THSD7B: variants seen among roughly 807,000 people sequenced by gnomAD.
The protein encoded by THSD7B is thrombospondin type 1 domain containing 7B, also known as thrombospondin type-1 domain-containing protein 7B.
THSD7B carries 138 observed loss-of-function variants against 213.6 expected under a neutral mutation model. The observed-to-expected ratio is 0.65, with a 90% confidence interval of 0.56 to 0.74. The LOEUF (loss-of-function observed/expected upper bound fraction) is 0.74, where lower values mean the gene tolerates loss of function less well. Among genes scored for constraint, THSD7B ranks in the 30% least tolerant of loss-of-function variants. The pLI, the probability that THSD7B is intolerant of heterozygous loss-of-function variation, is 0.00. For synonymous variants in THSD7B, 742 were observed against 687.0 expected, an observed-to-expected ratio of 1.08 and a Z score of -1.25; for missense variants, 1,931 against 1,991.5, an observed-to-expected ratio of 0.97 and a Z score of 0.58.
intron 10 of THSD7B, among the ~76,000 whole-genome samples, chr2:137,245,920 A>G (rs1390400661): frequency 6.6e-6 from 1 of 152,192 alleles, no homozygotes; most frequent in East Asian, 1.9e-4. Context: ...ATTCTAATTC[A>G]ATAGACCGAA....
chr2:137,551,830 T>C (rs1303985044), intron 15 of THSD7B, among the ~76,000 whole-genome samples: 1 of 152,064 alleles, frequency 6.6e-6, no homozygotes, highest in African/African-American at 2.4e-5. Flanking sequence ...TGAAAATGCC[T>C]GCAAACCGGA....
At chr2:136,823,872 A>C (rs16836818) in intron 1 of THSD7B, among the ~76,000 whole-genome samples, 22,142 of 152,182 alleles carry the variant, frequency 0.15, 1,753 homozygotes, top group Middle Eastern at 0.3. Flanking sequence ...GAAATTGACC[A>C]AGGTGTAGCA....
Position 137,676,563 on chromosome 2 carries a change from G to A in THSD7B, c.4779G>A (p.Gln1593=). 1 of 1,597,610 alleles carries A rather than the reference G, an allele frequency of 6.3e-7. No homozygotes were observed. Among genetic ancestry groups the A allele is most frequent in the Non-Finnish European group, 8.5e-7 (1 of 1,172,920 alleles). ...CACATCAAAGCACACCTCCCCAACA[G>A]AAGCCTCTGACCTTAGCCTACGATG... ...PKPHQSTPPQ[Q]KPLTLAYDGD... The change falls in exon 28 of 28, where the codon CAG becomes CAA. Residue 1593 remains glutamine (Q), a synonymous_variant. Transcript: ENST00000409968.
chr2:137,489,647 T>G (rs1321395026), intron 15 of THSD7B, among the ~76,000 whole-genome samples: 1 of 152,204 alleles, frequency 6.6e-6, no homozygotes, highest in East Asian at 1.9e-4. Context: ...ACTCTGTAGA[T>G]GATGTGACCC....
chr2:137,212,993 A>G (rs1480714209), intron 7 of THSD7B, among the ~76,000 whole-genome samples: 1 of 149,128 alleles, frequency 6.7e-6, no homozygotes, highest in African/African-American at 2.5e-5. Context: ...GCCACAACAA[A>G]AATTGTTCTA....
At chr2:137,243,454 C>T (rs994575671) in intron 10 of THSD7B, among the ~76,000 whole-genome samples, 1 of 152,140 alleles carries the variant, frequency 6.6e-6, no homozygotes, top group African/African-American at 2.4e-5. Flanking sequence ...TCCACTGGTC[C>T]CTGGGCTTCT....
At chr2:136,771,605 A>G (rs1681506662) in intron 1 of THSD7B, among the ~76,000 whole-genome samples, 1 of 152,124 alleles carries the variant, frequency 6.6e-6, no homozygotes, top group Non-Finnish European at 1.5e-5. Flanking sequence ...TCTATTAGTC[A>G]AAATCCAGTT....
At chr2:136,855,907 C>T (rs983854713) in intron 1 of THSD7B, among the ~76,000 whole-genome samples, 1 of 152,008 alleles carries the variant, frequency 6.6e-6, no homozygotes, top group African/African-American at 2.4e-5. Flanking sequence ...CCTGGATTAC[C>T]CCCCTCCTTT....
intron 2 of THSD7B, among the ~76,000 whole-genome samples, chr2:136,911,208 G>T (rs1271185438): frequency 6.6e-6 from 1 of 152,094 alleles, no homozygotes; most frequent in Non-Finnish European, 1.5e-5. Context: ...TTCATGTTTT[G>T]CTCTTAGAAA....
At chr2:137,444,000 A>G (rs1324302469) in intron 14 of THSD7B, among the ~76,000 whole-genome samples, 3 of 152,058 alleles carry the variant, frequency 2.0e-5, no homozygotes, top group Non-Finnish European at 4.4e-5. Flanking sequence ...AATATTTAAC[A>G]TTATTTTGTC....
intron 15 of THSD7B, among the ~76,000 whole-genome samples, chr2:137,470,388 C>T (rs374186110): frequency 1.1e-4 from 16 of 152,078 alleles, no homozygotes; most frequent in African/African-American, 2.4e-4. Context: ...ATAAAAGAGA[C>T]GGGACAAGTG....
intron 10 of THSD7B, 90 bp downstream of exon 10, chr2:137,242,662 C>G: frequency 1.2e-6 from 1 of 867,676 alleles, no homozygotes; most frequent in Non-Finnish European, 1.8e-6. Context: ...AATGTGAGCA[C>G]CTTTTTTTTT....
intron 14 of THSD7B, among the ~76,000 whole-genome samples, chr2:137,427,736 T>G (rs1273012857): frequency 6.6e-6 from 1 of 152,046 alleles, no homozygotes; most frequent in Non-Finnish European, 1.5e-5. Flanking sequence ...ATGAGATGAA[T>G]AAGTTCTGTA....
At chr2:137,623,686 C>T (rs959402295) in intron 20 of THSD7B, among the ~76,000 whole-genome samples, 2 of 152,102 alleles carry the variant, frequency 1.3e-5, no homozygotes, top group Non-Finnish European at 2.9e-5. Context: ...ACAGCAATAA[C>T]AGACAAACAG....
At chr2:137,543,803 A>G (rs1399140008) in intron 15 of THSD7B, among the ~76,000 whole-genome samples, 1 of 151,768 alleles carries the variant, frequency 6.6e-6, no homozygotes, top group Non-Finnish European at 1.5e-5. Flanking sequence ...AAATGGGCTC[A>G]GGACTTAGAC....
chr2:137,252,534 C>T (rs1682209094), intron 10 of THSD7B, among the ~76,000 whole-genome samples: 1 of 152,078 alleles, frequency 6.6e-6, no homozygotes, highest in Non-Finnish European at 1.5e-5. Context: ...ACTCCTTTTG[C>T]TGTCCTTCTG....
In THSD7B at chr2:137,676,697, A is replaced by T; in HGVS notation, c.*92A>T. On this transcript the variant is annotated 3_prime_UTR_variant, in exon 28 of 28. Transcript: ENST00000409968. ...CTTCTCAGTTTTTTGAGGAATCTCAAGATGTGATATATTGGGCAGAATACA... is the reference window on the plus strand; with the variant it reads ...CTTCTCAGTTTTTTGAGGAATCTCATGATGTGATATATTGGGCAGAATACA... 1 of 1,157,226 alleles carries T rather than the reference A, an allele frequency of 8.6e-7. No individual in the cohort carries two copies. The allele number at this position is 1,157,226 out of a possible 1,614,324, so 71.7% of individuals were successfully genotyped here.
Position 137,160,735 on chromosome 2 carries a change from G to A in THSD7B, c.1525+367G>A, listed in dbSNP as rs182266731. 2.1e-4 allele frequency among the ~76,000 whole-genome samples: 32 copies of A among 152,084 alleles called. No homozygotes were observed. The East Asian group carries it at 5.2e-3, about 25-fold the overall frequency. Reference sequence around the variant, plus strand: ...GCCTCCTGGGTTCAAACTATTCTCCGGACTCAGCCTCCCAAGTAGCTGGGA... The same window carrying A: ...GCCTCCTGGGTTCAAACTATTCTCCAGACTCAGCCTCCCAAGTAGCTGGGA... On this transcript the variant is annotated intron_variant, in intron 6 of 27. Transcript: ENST00000409968.
intron 12 of THSD7B, among the ~76,000 whole-genome samples, chr2:137,284,249 C>A (rs898057427): frequency 1.3e-5 from 2 of 151,946 alleles, no homozygotes; most frequent in Non-Finnish European, 2.9e-5. Flanking sequence ...GGTGATATCC[C>A]CTTTGTCATT....
Sources: gnomAD v4.1 joint callset for allele counts (sites outside exome capture counted in the v4.1 genomes callset) on GRCh38, gnomAD v4.1.1 for gene constraint, MANE v1.5 for transcripts, NCBI Gene and HGNC (gene_info 2026-07-23, HGNC 2026-07-21) for gene names.